The following CEL variants were observed in gnomAD, a reference collection of about 807,000 sequenced individuals.
The protein encoded by CEL is carboxyl ester lipase.
Under a neutral mutation model 57.1 loss-of-function variants are expected in CEL, and 39 were observed. The ratio of observed to expected loss-of-function variants is 0.68; its 90% CI spans 0.53 to 0.89. The LOEUF (loss-of-function observed/expected upper bound fraction) is 0.89, where lower values mean the gene tolerates loss of function less well. Among genes scored for constraint, CEL ranks in the 40% least tolerant of loss-of-function variants. The pLI, the probability that CEL is intolerant of heterozygous loss-of-function variation, is 0.00. For missense variants in CEL, 698 were observed against 915.0 expected (o/e 0.76, Z 3.06); for synonymous variants, 314 against 396.6 (o/e 0.79, Z 2.48).
rs374208929 is a variant in CEL at position 133,071,182 on chromosome 9, G to A, written c.1680G>A (p.Val560=). 79 of 1,606,644 alleles carry A rather than the reference G, an allele frequency of 4.9e-5. 1 individual carries two copies. In the African/African-American group the frequency reaches 9.9e-4, roughly 20 times the overall value. ...PTVTDQEATP[V]PPTGDSEATP... ...TGACCGACCAGGAGGCCACCCCTGT[G>A]CCCCCCACAGGGGACTCCGAGGCCA... The change falls in exon 11 of 11, where the codon GTG becomes GTA. Residue 560 remains valine, a synonymous_variant. Transcript: ENST00000372080.
At chr9:133,065,294 G>T in intron 4 of CEL, 57 bp downstream of exon 4, 1 of 1,588,020 alleles carries the variant, frequency 6.3e-7, no homozygotes, top group Non-Finnish European at 8.6e-7. Context: ...GCCCAGCAGG[G>T]AGATTTTCCT....
chr9:133,066,975 G>GTGGGGGGGT lies in CEL; in HGVS notation c.777+36_777+37insGGTTGGGGG. ...ACGGAGGAGGGCAGGGCTGGGCGGGGTGGGGGCTGTCCACATTTCCGTTCT... is the reference window on the plus strand; with the variant it reads ...ACGGAGGAGGGCAGGGCTGGGCGGGGTGGGGGGGTTGGGGGCTGTCCACATTTCCGTTCT... On this transcript the variant is annotated intron_variant, in intron 6 of 10. Coordinates refer to ENST00000372080, the MANE Select transcript of CEL (RefSeq NM_001807.6). This position sits in a 1 kb window ranked among gnomAD's most constrained non-coding sequence, Gnocchi z 4.3. 1.4e-6 allele frequency: 2 copies of GTGGGGGGGT among 1,467,670 alleles called. No homozygotes were observed. Among genetic ancestry groups the GTGGGGGGGT allele is most frequent in the Non-Finnish European group, 1.9e-6 (2 of 1,046,844 alleles). The allele number at this position is 1,467,670 out of a possible 1,614,324, so 90.9% of individuals were successfully genotyped here.
rs1830140356 is a variant in CEL, at chr9:133,064,406, G to A, written c.69G>A (p.Leu23=). 1.9e-6 allele frequency: 3 copies of A among 1,613,786 alleles called. No individual in the cohort carries two copies. The highest frequency in any genetic ancestry group is 1.7e-5 in the Admixed American group (1 of 60,008). The change falls in exon 2 of 11, where the codon CTG becomes CTA. Residue 23 remains leucine (L), a splice_region_variant and synonymous_variant. Transcript: ENST00000372080. Reference sequence around the variant, plus strand: ...CCCTGCCCGTGTCTCCCTCGCAGCTGGGCGCCGTGTACACAGAAGGTGGGT... The same window carrying A: ...CCCTGCCCGTGTCTCCCTCGCAGCTAGGCGCCGTGTACACAGAAGGTGGGT... ...CCWAVASAAK[L]GAVYTEGGFV...
chr9:133,067,169 ACGCTGGCCTATAAGGTGC>A lies in CEL; in HGVS notation c.867_884del (p.Tyr290_Ala295del). The A allele has an allele frequency of 6.2e-7, 1 of 1,613,946 alleles. No homozygotes were observed. On this transcript the variant is annotated inframe_deletion, in exon 7 of 11. Coordinates refer to ENST00000372080, the MANE Select transcript of CEL (RefSeq NM_001807.6). ...GAAGGTTACTGATCCCCGAGCCCTG[ACGCTGGCCTATAAGGTGC>A]CGCTGGCAGGCCTGGAGTGTGAGTA...
At chr9:133,063,824 G>T (rs12341761) in intron 1 of CEL, among the ~76,000 whole-genome samples, 1 of 152,114 alleles carries the variant, frequency 6.6e-6, no homozygotes, top group Admixed American at 6.5e-5. Context: ...TTACCAGCAG[G>T]GGGCTCAGGA....
Position 133,071,640 on chromosome 9 carries a change from C to G in CEL, c.2138C>G (p.Pro713Arg). 2 of 1,534,544 alleles carry G rather than the reference C, an allele frequency of 1.3e-6. No homozygotes were observed. The highest frequency in any genetic ancestry group is 1.8e-6 in the Non-Finnish European group (2 of 1,120,520). The part of the protein sequence containing the change: ...VTPTGDSETA[P>R]VPPTGDSGAP... ...CCCACGGGTGACTCCGAGACCGCCC[C>G]CGTGCCGCCCACGGGTGACTCCGGG... is the stretch of plus-strand genomic sequence containing the variant. The change falls in exon 11 of 11, where the codon CCC (proline) becomes CGC (arginine). Residue 713 changes from proline to arginine, a missense_variant. By Grantham distance (103) the Pro-to-Arg change is moderately radical (BLOSUM62 -2). Transcript: ENST00000372080.
intron 7 of CEL, among the ~76,000 whole-genome samples, chr9:133,067,942 C>T (rs1344252697): frequency 6.6e-6 from 1 of 152,304 alleles, no homozygotes; most frequent in African/African-American, 2.4e-5. Context: ...GGGACCCATT[C>T]CACAAACACC....
chr9:133,067,546 T>C (rs1279270369), intron 7 of CEL, among the ~76,000 whole-genome samples: 3 of 152,174 alleles, frequency 2.0e-5, no homozygotes, highest in African/African-American at 4.8e-5. Context: ...ATAATTTTTC[T>C]GTGTGTTTAG....
At chr9:133,064,323 G>A (rs1211443813) in intron 1 of CEL, 81 bp from the exon 2 acceptor site, 117 of 1,590,662 alleles carry the variant, frequency 7.4e-5, no homozygotes, top group Non-Finnish European at 9.5e-5. Context: ...CTGGGCACGC[G>A]GAGTCGGCTT....
At chr9:133,067,032 G>T in intron 6 of CEL, 56 bp from the exon 7 acceptor site, 1 of 1,609,314 alleles carries the variant, frequency 6.2e-7, no homozygotes, top group Non-Finnish European at 8.5e-7. Context: ...CCTTCAAATG[G>T]TTCTGAGCCC....
At chr9:133,070,116 A>G (rs1830238144) in intron 9 of CEL, among the ~76,000 whole-genome samples, 1 of 151,360 alleles carries the variant, frequency 6.6e-6, no homozygotes, top group East Asian at 1.9e-4. Context: ...CTTTCAGTCA[A>G]GGCAAAAAGG....
chr9:133,063,120 C>T (rs1830116562), intron 1 of CEL, among the ~76,000 whole-genome samples: 2 of 152,138 alleles, frequency 1.3e-5, no homozygotes, highest in South Asian at 4.2e-4. Flanking sequence ...ACCTCTGCTG[C>T]CTGCTCTCCA....
At position 133,070,413 on chromosome 9, in the gene CEL, C is replaced by T. The variant is rs138715663; in HGVS notation, c.1287-48C>T. 75,550 of 1,515,944 alleles carry T rather than the reference C, an allele frequency of 0.05. 663 individuals are homozygous for T. Among genetic ancestry groups the T allele is most frequent in the Non-Finnish European group, 0.057 (63,075 of 1,101,302 alleles). The allele number at this position is 1,515,944 out of a possible 1,614,324, so 93.9% of individuals were successfully genotyped here. A position where few individuals can be genotyped will look rare whatever the true frequency, so the allele number is the denominator to read the frequency against. The stretch of plus-strand genomic sequence containing the variant: ...CTCCAAGTCCGGTCTCTGGGCTGAT[C>T]GGTCCCCAGTGAGCACCCTGCCTAC... On this transcript the variant is annotated intron_variant, in intron 9 of 10. Transcript: ENST00000372080.
chr9:133,070,848 C>A, intron 10 of CEL, 139 bp from the exon 11 acceptor site: 1 of 1,223,338 alleles, frequency 8.2e-7, no homozygotes, highest in South Asian at 1.3e-5. Flanking sequence ...CGTGCACAGC[C>A]AGTGCCCAGT....
At chr9:133,063,367 CT>C (rs1830122491) in intron 1 of CEL, among the ~76,000 whole-genome samples, 1 of 152,228 alleles carries the variant, frequency 6.6e-6, no homozygotes, top group African/African-American at 2.4e-5. Context: ...CCCACGATGC[CT>C]GCATGTGTTG....
At chr9:133,070,401 C>T in intron 9 of CEL, 60 bp from the exon 10 acceptor site, 1 of 1,460,808 alleles carries the variant, frequency 6.8e-7, no homozygotes, top group Non-Finnish European at 9.5e-7. Flanking sequence ...CAAGTCCGGT[C>T]TCTGGGCTGA....
intron 7 of CEL, among the ~76,000 whole-genome samples, chr9:133,067,952 C>G (rs1440917315): frequency 3.3e-5 from 5 of 152,210 alleles, no homozygotes; most frequent in Admixed American, 6.5e-5. Context: ...CCACAAACAC[C>G]TCTGCATGTC....
intron 10 of CEL, 133 bp from the exon 11 acceptor site, chr9:133,070,854 C>G (rs1347831012): frequency 1.6e-6 from 2 of 1,239,432 alleles, no homozygotes. Flanking sequence ...CAGCCAGTGC[C>G]CAGTATGCAG....
At position 133,064,571 on chromosome 9, in the gene CEL, C is replaced by A. The variant is rs760276056; in HGVS notation, c.217+17C>A. 1.9e-6 allele frequency: 3 copies of A among 1,614,060 alleles called. No individual in the cohort carries two copies. Among genetic ancestry groups the A allele is most frequent in the Non-Finnish European group, 2.5e-6 (3 of 1,179,994 alleles). Reference sequence around the variant, plus strand: ...GCTGGCAAGGTGGGAGTGGGTGGTGCCGGACTGGCCCTGCGGCGGGGCGGG... The same window carrying A: ...GCTGGCAAGGTGGGAGTGGGTGGTGACGGACTGGCCCTGCGGCGGGGCGGG... On this transcript the variant is annotated intron_variant, in intron 2 of 10. Coordinates refer to ENST00000372080, the MANE Select transcript of CEL (RefSeq NM_001807.6).
Sources: gnomAD v4.1 joint callset for allele counts (sites outside exome capture counted in the v4.1 genomes callset) on GRCh38, gnomAD v4.1.1 for gene constraint, Gnocchi (gnomAD v3.1) non-coding constraint, MANE v1.5 for transcripts, NCBI Gene and HGNC (gene_info 2026-07-23, HGNC 2026-07-21) for gene names.